The following UNC5D variants were observed in gnomAD, a reference collection of about 807,000 sequenced individuals.
The protein encoded by UNC5D is unc-5 netrin receptor D.
UNC5D carries 39 observed loss-of-function variants against 105.4 expected under a neutral mutation model. The observed-to-expected ratio is 0.37, with a 90% CI of 0.29 to 0.48. UNC5D has a LOEUF of 0.48. Among genes scored for constraint, UNC5D ranks in the 20% least tolerant of loss-of-function variants. The pLI is 0.98. For missense variants in UNC5D, 991 were observed against 1,202.4 expected (o/e 0.82, Z 2.60); for synonymous variants, 452 against 450.4 (o/e 1.00, Z -0.04).
chr8:35,448,011 C>T (rs937746575), intron 1 of UNC5D, among the ~76,000 whole-genome samples: 2 of 152,042 alleles, frequency 1.3e-5, no homozygotes, highest in African/African-American at 4.8e-5. Flanking sequence ...CCAGTATTCT[C>T]CAAAACCTCC....
chr8:35,363,444 TATGGGAGTACAATTCAAG>T (rs1801954363), intron 1 of UNC5D, among the ~76,000 whole-genome samples: 1 of 152,144 alleles, frequency 6.6e-6, no homozygotes, highest in Non-Finnish European at 1.5e-5. Flanking sequence ...ACATGGGAAT[TATGGGAGTACAATTCAAG>T]ATGAGATTTG....
intron 1 of UNC5D, among the ~76,000 whole-genome samples, chr8:35,285,216 G>A (rs535140923): frequency 1.3e-4 from 20 of 152,304 alleles, no homozygotes; most frequent in Non-Finnish European, 2.9e-4. Flanking sequence ...TAGTGTCCTT[G>A]TTAGACTCAT....
intron 4 of UNC5D, among the ~76,000 whole-genome samples, chr8:35,655,629 T>C (rs888583856): frequency 2.0e-5 from 3 of 152,216 alleles, no homozygotes; most frequent in Non-Finnish European, 2.9e-5. Flanking sequence ...ACAGGACTTA[T>C]GAAAAAGTAG....
intron 4 of UNC5D, among the ~76,000 whole-genome samples, chr8:35,662,969 T>C (rs1435122978): frequency 5.3e-5 from 8 of 152,138 alleles, no homozygotes; most frequent in Non-Finnish European, 7.3e-5. Context: ...GGTAGCACGC[T>C]CCTTATCGGA....
intron 15 of UNC5D, among the ~76,000 whole-genome samples, chr8:35,769,408 A>G (rs1037235125): frequency 2.0e-5 from 3 of 152,218 alleles, no homozygotes; most frequent in Admixed American, 6.5e-5. Flanking sequence ...GGTACTAGTG[A>G]CAAACATCAC....
At chr8:35,776,771 C>G (rs745697445) in intron 16 of UNC5D, among the ~76,000 whole-genome samples, 3 of 152,224 alleles carry the variant, frequency 2.0e-5, no homozygotes, top group Non-Finnish European at 4.4e-5. Flanking sequence ...GACATTTTCA[C>G]AATCCATGGC....
intron 1 of UNC5D, among the ~76,000 whole-genome samples, chr8:35,382,389 T>G (rs773925374): frequency 6.6e-6 from 1 of 152,222 alleles, no homozygotes; most frequent in Non-Finnish European, 1.5e-5. Context: ...CTTTCAGAAT[T>G]GCCTCAAGTC....
rs551534065 is a variant in UNC5D at position 35,583,043 on chromosome 8, A to G, written c.467-12511A>G. Among the ~76,000 whole-genome samples, 6 of 152,226 alleles carry G rather than the reference A, an allele frequency of 3.9e-5. No individual in the cohort carries two copies. The South Asian group carries it at 1.2e-3, about 32-fold the overall frequency. On this transcript the variant is annotated intron_variant, in intron 3 of 16. Coordinates refer to ENST00000404895, the MANE Select transcript of UNC5D (RefSeq NM_080872.4). ...GAAATTAAGCTGTCTCAGAAAAGGGATACTTGACAACAGGATGAACAGCAC... is the reference window on the plus strand; with the variant it reads ...GAAATTAAGCTGTCTCAGAAAAGGGGTACTTGACAACAGGATGAACAGCAC...
intron 1 of UNC5D, among the ~76,000 whole-genome samples, chr8:35,455,436 G>T (rs180705811): frequency 6.6e-6 from 1 of 151,666 alleles, no homozygotes; most frequent in African/African-American, 2.4e-5. Context: ...ACAACACCAC[G>T]CCTGGCTAAC....
At chr8:35,714,521 A>G (rs1828140544) in intron 8 of UNC5D, among the ~76,000 whole-genome samples, 1 of 152,214 alleles carries the variant, frequency 6.6e-6, no homozygotes, top group African/African-American at 2.4e-5. Flanking sequence ...AAAAGGGCCA[A>G]GAACTGAACT....
chr8:35,518,427 C>T (rs968141295), intron 1 of UNC5D, among the ~76,000 whole-genome samples: 2 of 151,898 alleles, frequency 1.3e-5, no homozygotes, highest in South Asian at 2.1e-4. Context: ...TAGAACCCTA[C>T]AGAATATATC....
intron 1 of UNC5D, among the ~76,000 whole-genome samples, chr8:35,258,776 T>C (rs949876129): frequency 6.6e-6 from 1 of 152,054 alleles, no homozygotes; most frequent in African/African-American, 2.4e-5. Context: ...ATAAACTCTA[T>C]AAGGAAAAGT....
intron 1 of UNC5D, among the ~76,000 whole-genome samples, chr8:35,529,427 T>C (rs1466496661): frequency 6.7e-6 from 1 of 149,874 alleles, no homozygotes; most frequent in African/African-American, 2.5e-5. Context: ...TTGGTACCAG[T>C]ACTATGCTGT....
intron 1 of UNC5D, among the ~76,000 whole-genome samples, chr8:35,539,462 G>A (rs755250097): frequency 6.6e-6 from 1 of 152,146 alleles, no homozygotes; most frequent in Non-Finnish European, 1.5e-5. Context: ...TAACACAAAA[G>A]TTAGTTGTCA....
At chr8:35,730,703 G>C (rs1829145008) in intron 10 of UNC5D, among the ~76,000 whole-genome samples, 1 of 151,890 alleles carries the variant, frequency 6.6e-6, no homozygotes, top group African/African-American at 2.4e-5. Context: ...TGCATTCTCA[G>C]ATATGTTTAA....
At chr8:35,619,641 A>G (rs1054366688) in intron 4 of UNC5D, among the ~76,000 whole-genome samples, 1 of 152,244 alleles carries the variant, frequency 6.6e-6, no homozygotes, top group East Asian at 1.9e-4. Flanking sequence ...GCAGCTGGTC[A>G]GAAGTTACAA....
chr8:35,485,561 T>G (rs1162954665), intron 1 of UNC5D, among the ~76,000 whole-genome samples: 4 of 152,134 alleles, frequency 2.6e-5, no homozygotes, highest in Non-Finnish European at 5.9e-5. Flanking sequence ...AGAGGCTTTA[T>G]GAATATCCAG....
chr8:35,249,025 G>A (rs1168756351), intron 1 of UNC5D, among the ~76,000 whole-genome samples: 1 of 32,868 alleles, frequency 3.0e-5, no homozygotes, highest in East Asian at 6.4e-3. Context: ...TATTATATAT[G>A]TTTATATAAT....
rs909600799 is a variant in UNC5D, at chr8:35,398,530, T to TA, written c.104-150750dup. Among the ~76,000 whole-genome samples the TA allele has an allele frequency of 1.6e-3, 225 of 144,898 alleles. 1 individual carries two copies. The highest frequency in any genetic ancestry group is 2.9e-3 in the South Asian group (13 of 4,522). On this transcript the variant is annotated intron_variant, in intron 1 of 16. Transcript: ENST00000404895. Reference sequence around the variant, plus strand: ...ACTAACAGTGCTTCTAAGCAGACATTAAAAAAAAAAAAGTGTCTCTTGTTT... The same window carrying TA: ...ACTAACAGTGCTTCTAAGCAGACATTAAAAAAAAAAAAAGTGTCTCTTGTTT...
Sources: allele counts gnomAD v4.1 joint callset (sites outside exome capture counted in the v4.1 genomes callset), GRCh38; gene constraint gnomAD v4.1.1; transcripts MANE v1.5; gene names NCBI Gene and HGNC (gene_info 2026-07-23, HGNC 2026-07-21).